Variants in PRTG observed in about 807,000 individuals in gnomAD.
PRTG encodes the protein immunoglobulin superfamily, DCC subclass, member 5.
PRTG carries 67 observed loss-of-function variants against 122.5 expected under a neutral mutation model. The observed-to-expected ratio is 0.55, with a 90% CI of 0.45 to 0.67. The LOEUF (loss-of-function observed/expected upper bound fraction) is 0.67, where lower values mean the gene tolerates loss of function less well. Among genes scored for constraint, PRTG ranks in the 30% least tolerant of loss-of-function variants. PRTG has a pLI of 0.00. For missense variants in PRTG, 1,435 were observed against 1,415.4 expected, an observed-to-expected ratio of 1.01 and a Z score of -0.22; for synonymous variants, 554 against 501.1, an observed-to-expected ratio of 1.11 and a Z score of -1.41.
chr15:55,671,129 G>A (rs1255276551), intron 11 of PRTG, among the ~76,000 whole-genome samples: 3 of 152,202 alleles, frequency 2.0e-5, no homozygotes, highest in Admixed American at 2.0e-4. Flanking sequence ...CCCTGCATCT[G>A]AAAACAGTCT....
chr15:55,647,122 G>A (rs2059328538), intron 11 of PRTG, among the ~76,000 whole-genome samples: 1 of 152,024 alleles, frequency 6.6e-6, no homozygotes, highest in South Asian at 2.1e-4. Context: ...TCCACTCAAA[G>A]AAAAAGGAAT....
chr15:55,731,217 T>C (rs375162422), intron 2 of PRTG, among the ~76,000 whole-genome samples: 1 of 150,042 alleles, frequency 6.7e-6, no homozygotes, highest in East Asian at 2.1e-4. Context: ...AATTCTAGTA[T>C]GTTAAGCTGG....
intron 11 of PRTG, among the ~76,000 whole-genome samples, chr15:55,659,358 G>A (rs1014886997): frequency 5.3e-5 from 8 of 152,050 alleles, no homozygotes; most frequent in Non-Finnish European, 8.8e-5. Context: ...TCATTCTATC[G>A]CTTTAGTTTA....
chr15:55,710,430 T>A (rs2030333011), intron 2 of PRTG, among the ~76,000 whole-genome samples: 1 of 152,224 alleles, frequency 6.6e-6, no homozygotes, highest in Admixed American at 6.5e-5. Flanking sequence ...TAGCACTTTC[T>A]TCCCCCCAGG....
intron 10 of PRTG, 148 bp downstream of exon 10, chr15:55,673,223 A>C: frequency 1.5e-6 from 1 of 673,548 alleles, no homozygotes; most frequent in South Asian, 2.3e-5. Flanking sequence ...ACTTAATAAA[A>C]AGTTTAATTT....
At chr15:55,624,225 T>C in intron 18 of PRTG, 117 bp downstream of exon 18, 1 of 803,516 alleles carries the variant, frequency 1.2e-6, no homozygotes, top group Admixed American at 2.8e-5. Flanking sequence ...CAATATTTCA[T>C]TAATAAGAGT....
chr15:55,629,375 A>ATATATATGTGTG (rs1374294067), intron 15 of PRTG, among the ~76,000 whole-genome samples: 1 of 47,938 alleles, frequency 2.1e-5, no homozygotes, highest in African/African-American at 6.7e-5. Flanking sequence ...ATATATATAT[A>ATATATATGTGTG]TGTGTGTGTG....
intron 2 of PRTG, among the ~76,000 whole-genome samples, chr15:55,739,660 G>T (rs1385746514): frequency 2.0e-5 from 3 of 152,118 alleles, no homozygotes; most frequent in Non-Finnish European, 2.9e-5. Context: ...ATCTTTACAC[G>T]CAACAGTTAC....
chr15:55,742,701 C>A, intron 1 of PRTG, 137 bp downstream of exon 1: 3 of 1,035,056 alleles, frequency 2.9e-6, no homozygotes, highest in Admixed American at 2.3e-5. Flanking sequence ...AGGGCGAGAG[C>A]GGGGGCCGGG....
chr15:55,738,954 G>A (rs1215157066), intron 2 of PRTG, among the ~76,000 whole-genome samples: 3 of 151,340 alleles, frequency 2.0e-5, no homozygotes, highest in African/African-American at 7.3e-5. Context: ...GGGAGAGGGA[G>A]GGGAGAGAGA....
chr15:55,736,452 A>G (rs537884907), intron 2 of PRTG, among the ~76,000 whole-genome samples: 2 of 151,926 alleles, frequency 1.3e-5, no homozygotes, highest in South Asian at 4.2e-4. Context: ...AAGACTTGGT[A>G]TTATAATTTA....
In PRTG at chr15:55,616,787, C is replaced by T. The variant is rs2059143681; in HGVS notation, c.*3225G>A. On this transcript the variant is annotated 3_prime_UTR_variant, in exon 20 of 20. Coordinates refer to ENST00000389286, the MANE Select transcript of PRTG (RefSeq NM_173814.6). ...GATAAATACCAATATAATTGTATTG[C>T]TTTTAATTATGTAAACTTAGCCCTT... 2.0e-5 allele frequency: 3 copies of T among 152,010 alleles called. No individual in the cohort carries two copies. Among genetic ancestry groups the T allele is most frequent in the Admixed American group, 6.6e-5 (1 of 15,240 alleles). 9.4% of individuals were successfully genotyped at this position (152,010 alleles called of 1,614,324 possible). A position where few individuals can be genotyped will look rare whatever the true frequency, so the allele number is the denominator to read the frequency against.
At chr15:55,639,978 C>G in intron 12 of PRTG, 150 bp from the exon 13 acceptor site, 5 of 1,447,532 alleles carry the variant, frequency 3.5e-6, no homozygotes, top group Non-Finnish European at 4.5e-6. Context: ...GATGTATCAT[C>G]CAAACCTAAA....
At chr15:55,674,343 A>G (rs1328915480) in intron 9 of PRTG, among the ~76,000 whole-genome samples, 2 of 152,188 alleles carry the variant, frequency 1.3e-5, no homozygotes, top group African/African-American at 4.8e-5. Context: ...TTCAGACACA[A>G]AATGAAGAAA....
intron 11 of PRTG, among the ~76,000 whole-genome samples, chr15:55,664,881 C>A (rs574322669): frequency 4.6e-5 from 7 of 152,062 alleles, no homozygotes; most frequent in Admixed American, 2.6e-4. Flanking sequence ...GCCACTGCAC[C>A]TGGCAGAAAT....
chr15:55,694,641 T>C (rs899644242), intron 2 of PRTG, among the ~76,000 whole-genome samples: 8 of 152,218 alleles, frequency 5.3e-5, no homozygotes, highest in Admixed American at 2.0e-4. Context: ...ATTTGCTTTT[T>C]CAATTTCGAT....
At chr15:55,674,907 G>A (rs2059493691) in intron 9 of PRTG, among the ~76,000 whole-genome samples, 1 of 152,040 alleles carries the variant, frequency 6.6e-6, no homozygotes, top group African/African-American at 2.4e-5. Context: ...AAGACTCAGA[G>A]GAGGATAATC....
At chr15:55,741,027 T>A (rs1452569012) in intron 1 of PRTG, among the ~76,000 whole-genome samples, 1 of 152,222 alleles carries the variant, frequency 6.6e-6, no homozygotes, top group African/African-American at 2.4e-5. Flanking sequence ...GTCAAAAAGA[T>A]CTTGAACAGA....
intron 11 of PRTG, among the ~76,000 whole-genome samples, chr15:55,641,760 T>C (rs1401212556): frequency 6.6e-6 from 1 of 152,182 alleles, no homozygotes; most frequent in Non-Finnish European, 1.5e-5. Flanking sequence ...AAACCTACAT[T>C]CTCAAGTGCG....
Sources: gnomAD v4.1 joint callset for allele counts (sites outside exome capture counted in the v4.1 genomes callset) on GRCh38, gnomAD v4.1.1 for gene constraint, MANE v1.5 for transcripts, NCBI Gene and HGNC (gene_info 2026-07-23, HGNC 2026-07-21) for gene names.